The following SEC24B variants were observed in gnomAD, a reference collection of about 807,000 sequenced individuals.
SEC24B encodes protein transport protein Sec24B.
Under a neutral mutation model 142.8 loss-of-function variants are expected in SEC24B, and 45 were observed. The observed-to-expected ratio is 0.32, with a 90% CI of 0.25 to 0.40. The LOEUF is 0.40. SEC24B is among the 10% of genes least tolerant of loss of function. The pLI, the probability that SEC24B is intolerant of heterozygous loss-of-function variation, is 1.00. For synonymous variants in SEC24B, 574 were observed against 568.2 expected, an observed-to-expected ratio of 1.01 and a Z score of -0.15; for missense variants, 1,409 against 1,526.8, an observed-to-expected ratio of 0.92 and a Z score of 1.29.
At chr4:109,435,033 T>C (rs1728273786) in intron 1 of SEC24B, among the ~76,000 whole-genome samples, 1 of 152,248 alleles carries the variant, frequency 6.6e-6, no homozygotes, top group Admixed American at 6.5e-5. Context: ...CTCTGTCCTG[T>C]GTTGGTACGA....
intron 2 of SEC24B, among the ~76,000 whole-genome samples, chr4:109,471,525 T>C (rs1732528760): frequency 1.3e-5 from 2 of 152,188 alleles, no homozygotes; most frequent in Admixed American, 1.3e-4. Context: ...ATGTTGGCAG[T>C]TTTAGTGATA....
chr4:109,461,637 A>C (rs1174602284), intron 1 of SEC24B, among the ~76,000 whole-genome samples: 1 of 152,234 alleles, frequency 6.6e-6, no homozygotes, highest in African/African-American at 2.4e-5. Flanking sequence ...ACATGCTTAC[A>C]TATGCATTAC....
In SEC24B at chr4:109,473,031, T is replaced by G. The variant is rs1476509153; in HGVS notation, c.905T>G (p.Met302Arg). Residue 302 changes from methionine (M) to arginine (R), a missense_variant, in exon 3 of 24, where the codon ATG (methionine) becomes AGG (arginine). Physicochemically the swap from Met to Arg is moderately conservative, Grantham distance 91. This residue lies in a region of SEC24B where 709 missense variants were observed against 673.5 expected (regional missense o/e 1.05). Transcript: ENST00000265175. ...TVADSLSCPV[M>R]QNVQPPKSSP... ...GCAGATTCTTTATCCTGTCCTGTTA[T>G]GCAAAATGTTCAGCCTCCCAAGTCC... The G allele has an allele frequency of 6.3e-7, 1 of 1,587,954 alleles. No individual in the cohort carries two copies. The highest frequency in any genetic ancestry group is 1.4e-5 in the African/African-American group (1 of 73,992).
chr4:109,470,532 C>G (rs973008553), intron 2 of SEC24B, among the ~76,000 whole-genome samples: 11 of 152,148 alleles, frequency 7.2e-5, no homozygotes, highest in Admixed American at 3.9e-4. Context: ...AGAGCTGTCC[C>G]CAGGGCTGAG....
At chr4:109,508,419 T>G (rs1041469848) in intron 7 of SEC24B, among the ~76,000 whole-genome samples, 1 of 151,778 alleles carries the variant, frequency 6.6e-6, no homozygotes, top group Non-Finnish European at 1.5e-5. Context: ...ACAAAAAAAT[T>G]AGCTGAGCAT....
chr4:109,506,108 A>T (rs539625437), intron 6 of SEC24B, among the ~76,000 whole-genome samples: 1 of 152,246 alleles, frequency 6.6e-6, no homozygotes, highest in South Asian at 2.1e-4. Context: ...ATTGTTGCTG[A>T]AATTTCATTG....
rs72328748 is a variant in SEC24B, at chr4:109,523,684, AAC to A, written c.2509-1132_2509-1131del. Among the ~76,000 whole-genome samples, 1,504 of 152,306 alleles carry A rather than the reference AAC, an allele frequency of 9.9e-3. 21 individuals are homozygous for A. The highest frequency in any genetic ancestry group is 0.033 in the African/African-American group (1,381 of 41,570). On this transcript the variant is annotated intron_variant, in intron 14 of 23. Coordinates refer to ENST00000265175, the MANE Select transcript of SEC24B (RefSeq NM_006323.5). ...TATAAGTAGTTATGAGTATGAATTA[AAC>A]AGTTTTAATAGTGTCATAAATCTTT...
intron 2 of SEC24B, among the ~76,000 whole-genome samples, chr4:109,464,785 CCAAGCTGTA>C (rs1374996065): frequency 6.6e-6 from 1 of 151,980 alleles, no homozygotes; most frequent in African/African-American, 2.4e-5. Context: ...AATATTAGAC[CCAAGCTGTA>C]CATTTGAGAT....
intron 10 of SEC24B, 74 bp downstream of exon 10, chr4:109,513,930 T>G (rs1386913868): frequency 3.2e-6 from 3 of 949,390 alleles, no homozygotes; most frequent in Non-Finnish European, 5.1e-6. Context: ...TTAAGTGAAC[T>G]CTTATCGAGA....
At chr4:109,452,303 G>A (rs766012761) in intron 1 of SEC24B, among the ~76,000 whole-genome samples, 2 of 152,158 alleles carry the variant, frequency 1.3e-5, no homozygotes, top group Non-Finnish European at 2.9e-5. Flanking sequence ...TGTATACCAT[G>A]ATTATTTGTC....
chr4:109,481,052 A>G (rs1733689820), intron 3 of SEC24B, among the ~76,000 whole-genome samples: 1 of 152,130 alleles, frequency 6.6e-6, no homozygotes, highest in Non-Finnish European at 1.5e-5. Flanking sequence ...CTGTCTCAGA[A>G]AATTCAGTTT....
At chr4:109,474,476 G>A (rs1732886981) in intron 3 of SEC24B, among the ~76,000 whole-genome samples, 1 of 149,606 alleles carries the variant, frequency 6.7e-6, no homozygotes, top group African/African-American at 2.5e-5. Context: ...CCGGGGTTGA[G>A]TGCAGTGGCA....
At chr4:109,525,525 T>C (rs377483692) in intron 16 of SEC24B, 21 bp downstream of exon 16, 40 of 1,521,086 alleles carry the variant, frequency 2.6e-5, no homozygotes, top group Non-Finnish European at 3.5e-5. Flanking sequence ...GTAAAAGTTA[T>C]ATTTTATATT....
chr4:109,469,975 T>C (rs752994954), intron 2 of SEC24B, among the ~76,000 whole-genome samples: 2 of 152,108 alleles, frequency 1.3e-5, no homozygotes, highest in Non-Finnish European at 2.9e-5. Flanking sequence ...TGAATAGGCA[T>C]TGCACAGAAG....
chr4:109,437,771 C>G (rs1728545932), intron 1 of SEC24B, among the ~76,000 whole-genome samples: 1 of 152,004 alleles, frequency 6.6e-6, no homozygotes, highest in African/African-American at 2.4e-5. Flanking sequence ...CCTACAGGCG[C>G]ACACCACCAC....
At chr4:109,501,751 C>T (rs907394380) in intron 6 of SEC24B, among the ~76,000 whole-genome samples, 4 of 152,142 alleles carry the variant, frequency 2.6e-5, no homozygotes, top group Admixed American at 1.3e-4. Context: ...GGATTACAGG[C>T]GCAAGCCACT....
rs868141235 is a variant in SEC24B at position 109,483,537 on chromosome 4, A to G, written c.1165+1756A>G. Among the ~76,000 whole-genome samples the G allele has an allele frequency of 8.7e-5, 13 of 148,732 alleles. No homozygotes were observed. The South Asian group carries it at 2.8e-3, about 32-fold the overall frequency. On this transcript the variant is annotated intron_variant, in intron 4 of 23. Coordinates refer to ENST00000265175, the MANE Select transcript of SEC24B (RefSeq NM_006323.5). ...AAGATTTTGGATTTTCACATTAGGG[A>G]CTCTCAACCTATAGTTTAAGACTGA...
chr4:109,535,119 C>T (rs1327732302), intron 22 of SEC24B, among the ~76,000 whole-genome samples: 2 of 152,144 alleles, frequency 1.3e-5, no homozygotes, highest in African/African-American at 2.4e-5. Flanking sequence ...TGCTTATGTA[C>T]GAGTTTTTGT....
chr4:109,514,000 T>G, intron 10 of SEC24B, 144 bp downstream of exon 10: 1 of 583,278 alleles, frequency 1.7e-6, no homozygotes, highest in South Asian at 2.1e-5. Flanking sequence ...AGTTTATATT[T>G]AACAAAGAGA....
Sources: allele counts gnomAD v4.1 joint callset (sites outside exome capture counted in the v4.1 genomes callset), GRCh38; gene constraint gnomAD v4.1.1; regional missense constraint gnomAD v4.1.1; transcripts MANE v1.5; gene names NCBI Gene and HGNC (gene_info 2026-07-23, HGNC 2026-07-21).